The following GNG7 variants were observed in gnomAD, a reference collection of about 807,000 sequenced individuals.
The protein encoded by GNG7 is guanine nucleotide-binding protein G(I)/G(S)/G(O) subunit gamma-7.
Under a neutral mutation model 4.0 loss-of-function variants are expected in GNG7, and 1 was observed. The observed-to-expected ratio is 0.25, with a 90% CI of 0.09 to 1.18. GNG7 has a LOEUF of 1.18. Among genes scored for constraint, GNG7 ranks in the 50% most tolerant of loss-of-function variants. The pLI is 0.50. For synonymous variants in GNG7, 34 were observed against 36.9 expected, an observed-to-expected ratio of 0.92 and a Z score of 0.29; for missense variants, 86 against 91.9, an observed-to-expected ratio of 0.94 and a Z score of 0.26.
At chr19:2,644,671 C>T (rs1338872334) in intron 2 of GNG7, among the ~76,000 whole-genome samples, 1 of 152,072 alleles carries the variant, frequency 6.6e-6, no homozygotes, top group Non-Finnish European at 1.5e-5. Context: ...CCCTCCCTGC[C>T]TCTGTGGATC....
chr19:2,516,044 A>T (rs562454173), intron 4 of GNG7, among the ~76,000 whole-genome samples: 1 of 151,538 alleles, frequency 6.6e-6, no homozygotes, highest in Non-Finnish European at 1.5e-5. Flanking sequence ...GTGAGGCCCT[A>T]TCTCTACAAA....
intron 1 of GNG7, among the ~76,000 whole-genome samples, chr19:2,696,347 A>AAAGAAAGAAAAG (rs758616376): frequency 3.4e-5 from 4 of 119,222 alleles, no homozygotes; most frequent in African/African-American, 1.3e-4. Context: ...AGAAAGAAAG[A>AAAGAAAGAAAAG]AAAGAAAGAA....
chr19:2,682,796 G>C (rs191083557), intron 1 of GNG7, among the ~76,000 whole-genome samples: 4 of 152,016 alleles, frequency 2.6e-5, no homozygotes, highest in Non-Finnish European at 5.9e-5. Flanking sequence ...AGCCTCAGAA[G>C]AGCTGCCAGG....
At chr19:2,615,558 G>T (rs985905291) in intron 2 of GNG7, among the ~76,000 whole-genome samples, 1 of 147,228 alleles carries the variant, frequency 6.8e-6, no homozygotes, top group East Asian at 2.1e-4. Context: ...AGCCTCCTGG[G>T]CTCAAGTGAT....
chr19:2,659,161 A>G lies in GNG7; in HGVS notation c.-134-12881T>C, dbSNP rs1035250353. 6.9e-4 allele frequency among the ~76,000 whole-genome samples: 104 copies of G among 149,772 alleles called. No individual in the cohort carries two copies. The East Asian group carries it at 0.011, about 15-fold the overall frequency. On this transcript the variant is annotated intron_variant, in intron 1 of 4. Coordinates refer to ENST00000382159, the MANE Select transcript of GNG7 (RefSeq NM_052847.3). ...ATTTTTTGTATTTTTAGTAGAGACG[A>G]GGTTTCACCGGGTTAGCCAGGATGG... is the stretch of plus-strand genomic sequence containing the variant.
chr19:2,527,035 G>A (rs1296764357), intron 3 of GNG7, among the ~76,000 whole-genome samples: 2 of 151,956 alleles, frequency 1.3e-5, no homozygotes, highest in South Asian at 2.1e-4. Flanking sequence ...TAGTAGAGAC[G>A]GGGTTTCACC....
intron 2 of GNG7, among the ~76,000 whole-genome samples, chr19:2,581,193 C>T (rs559687845): frequency 1.4e-4 from 21 of 152,126 alleles, no homozygotes; most frequent in Middle Eastern, 3.4e-3. Flanking sequence ...GAAGTGCCTT[C>T]GCCGCAGGCC....
rs1342713756 is a variant in GNG7 at position 2,617,389 on chromosome 19, T to C, written c.-78+28835A>G. On this transcript the variant is annotated intron_variant, in intron 2 of 4. Coordinates refer to ENST00000382159, the MANE Select transcript of GNG7 (RefSeq NM_052847.3). The surrounding 1 kb of genome is among the most constrained non-coding windows in gnomAD (Gnocchi z 4.7). ...CTGCAGCTCTGACCCTGCCTTGGGC[T>C]GTGAGCTCTGAGGACCCCATCAATC... 6.6e-6 allele frequency among the ~76,000 whole-genome samples: 1 copy of C among 152,212 alleles called. No homozygotes were observed. The highest frequency in any genetic ancestry group is 1.5e-5 in the Non-Finnish European group (1 of 68,032).
chr19:2,562,446 G>A lies in GNG7; in HGVS notation c.-77-7258C>T, dbSNP rs559090517. ...TTACAGGCGTGAGCCACCGCGCCCCGCTCCTTTTCCTTTTCTTTTAAATGA... is the reference window on the plus strand; with the variant it reads ...TTACAGGCGTGAGCCACCGCGCCCCACTCCTTTTCCTTTTCTTTTAAATGA... On this transcript the variant is annotated intron_variant, in intron 2 of 4. Coordinates refer to ENST00000382159, the MANE Select transcript of GNG7 (RefSeq NM_052847.3). 1.2e-4 allele frequency among the ~76,000 whole-genome samples: 19 copies of A among 152,084 alleles called. 1 individual carries two copies. In the South Asian group the frequency reaches 3.3e-3, roughly 27 times the overall value.
chr19:2,523,137 G>T (rs1978318743), intron 3 of GNG7, among the ~76,000 whole-genome samples: 1 of 151,852 alleles, frequency 6.6e-6, no homozygotes. Context: ...AAAGTGCTGG[G>T]ATTACAGGCA....
chr19:2,570,780 TAA>T (rs1568248158), intron 2 of GNG7, among the ~76,000 whole-genome samples: 1 of 152,078 alleles, frequency 6.6e-6, no homozygotes, highest in Non-Finnish European at 1.5e-5. Context: ...ACCCCAAGCC[TAA>T]AAACAGATGT....
intron 3 of GNG7, among the ~76,000 whole-genome samples, chr19:2,554,559 A>AT (rs34740203): frequency 0.028 from 3,599 of 130,086 alleles, 66 homozygotes; most frequent in African/African-American, 0.033. Context: ...ATATATATAT[A>AT]TTTTTTTTTT....
intron 2 of GNG7, among the ~76,000 whole-genome samples, chr19:2,603,255 C>T (rs1267660593): frequency 6.6e-6 from 1 of 152,082 alleles, no homozygotes; most frequent in African/African-American, 2.4e-5. Flanking sequence ...TTAGTAGAGA[C>T]GGGGTTTCAC....
chr19:2,634,745 G>C lies in GNG7; in HGVS notation c.-78+11479C>G, dbSNP rs1281586745. ...CTGATAATAACGTGAATTTCAACAC[G>C]ACCAGGACATGCTGAAATCTGGTGA... is the stretch of plus-strand genomic sequence containing the variant. On this transcript the variant is annotated intron_variant, in intron 2 of 4. Coordinates refer to ENST00000382159, the MANE Select transcript of GNG7 (RefSeq NM_052847.3). This position sits in a 1 kb window ranked among gnomAD's most constrained non-coding sequence, Gnocchi z 5.3. Among the ~76,000 whole-genome samples the C allele has an allele frequency of 6.6e-6, 1 of 152,074 alleles. No homozygotes were observed. Among genetic ancestry groups the C allele is most frequent in the East Asian group, 1.9e-4 (1 of 5,204 alleles).
At chr19:2,525,808 G>T (rs887942376) in intron 3 of GNG7, among the ~76,000 whole-genome samples, 2 of 151,894 alleles carry the variant, frequency 1.3e-5, no homozygotes, top group South Asian at 2.1e-4. Flanking sequence ...GAAAGCAAGT[G>T]CTCTGCCTCT....
intron 4 of GNG7, chr19:2,516,806 C>A (rs1219081212): frequency 2.0e-5 from 3 of 152,448 alleles, no homozygotes; most frequent in Admixed American, 2.0e-4. Context: ...ATGACTCCAA[C>A]CCTCTGAGGG....
chr19:2,660,299 C>G (rs73510527), intron 1 of GNG7, among the ~76,000 whole-genome samples: 10,012 of 152,260 alleles, frequency 0.066, 1,073 homozygotes, highest in African/African-American at 0.23. Flanking sequence ...TGAGCCTCAT[C>G]CCTTTCCAAT....
chr19:2,513,231 T>C lies in GNG7; in HGVS notation c.*1791A>G, dbSNP rs919783591. On this transcript the variant is annotated 3_prime_UTR_variant, in exon 5 of 5. Transcript: ENST00000382159. ...AGCAGGGATCCCCGCCTCACGGGCCTGCACGGAGGACCTGGGCGGCCGTCC... is the reference window on the plus strand; with the variant it reads ...AGCAGGGATCCCCGCCTCACGGGCCCGCACGGAGGACCTGGGCGGCCGTCC... 1.6e-5 allele frequency: 12 copies of C among 736,996 alleles called. No individual in the cohort carries two copies. The African/African-American group carries it at 2.3e-4, about 14-fold the overall frequency. The allele number at this position is 736,996 out of a possible 1,614,324, so 45.7% of individuals were successfully genotyped here. A position where few individuals can be genotyped will look rare whatever the true frequency, so the allele number is the denominator to read the frequency against.
At chr19:2,521,261 G>C (rs1974580) in intron 3 of GNG7, among the ~76,000 whole-genome samples, 1 of 150,812 alleles carries the variant, frequency 6.6e-6, no homozygotes, top group Non-Finnish European at 1.5e-5. Context: ...GCAAGACTCC[G>C]TCTCAAAAAA....
Sources: gnomAD v4.1 joint callset for allele counts (sites outside exome capture counted in the v4.1 genomes callset) on GRCh38, gnomAD v4.1.1 for gene constraint, Gnocchi (gnomAD v3.1) non-coding constraint, MANE v1.5 for transcripts, NCBI Gene and HGNC (gene_info 2026-07-23, HGNC 2026-07-21) for gene names.